ATP8B4: variants seen among roughly 807,000 people sequenced by gnomAD.
The protein encoded by ATP8B4 is probable phospholipid-transporting ATPase IM.
A neutral mutation model predicts 145.6 loss-of-function variants in ATP8B4; 133 were observed. That is an observed-to-expected ratio of 0.91 (90% CI 0.79 to 1.05). ATP8B4 has a LOEUF of 1.05. ATP8B4 is among the 50% of genes least tolerant of loss of function. The pLI is 0.00. For missense variants in ATP8B4, 1,458 were observed against 1,425.2 expected (o/e 1.02, Z -0.37); for synonymous variants, 507 against 492.9 (o/e 1.03, Z -0.38).
At chr15:49,969,650 AG>A (rs1372012973) in intron 13 of ATP8B4, among the ~76,000 whole-genome samples, 5 of 152,204 alleles carry the variant, frequency 3.3e-5, no homozygotes, top group African/African-American at 1.2e-4. Context: ...CAACAAAAAA[AG>A]CCCAAGACCA....
In ATP8B4 at chr15:49,859,920, T is replaced by A. The variant is rs186621678; in HGVS notation, c.*274A>T. ...AGATTCTAAAGTTCAGGTCAATTGGTATCTAGGTTGATTTAAAAAAAAAAA... is the reference window on the plus strand; with the variant it reads ...AGATTCTAAAGTTCAGGTCAATTGGAATCTAGGTTGATTTAAAAAAAAAAA... On this transcript the variant is annotated 3_prime_UTR_variant, in exon 28 of 28. Coordinates refer to ENST00000284509, the MANE Select transcript of ATP8B4 (RefSeq NM_024837.4). The A allele has an allele frequency of 4.5e-5, 18 of 398,120 alleles. No individual in the cohort carries two copies. The highest frequency in any genetic ancestry group is 1.1e-4 in the African/African-American group (5 of 47,330). 24.7% of individuals were successfully genotyped at this position (398,120 alleles called of 1,614,324 possible).
chr15:49,883,630 A>C (rs2153411974), intron 23 of ATP8B4: 1 of 152,326 alleles, frequency 6.6e-6, no homozygotes, highest in Admixed American at 6.5e-5. Context: ...ACATGGGAAA[A>C]CCGAGGCCTA....
intron 1 of ATP8B4, among the ~76,000 whole-genome samples, chr15:50,136,526 A>G (rs1244425085): frequency 6.6e-6 from 1 of 152,228 alleles, no homozygotes; most frequent in Non-Finnish European, 1.5e-5. Flanking sequence ...TTCCATGATC[A>G]AGATATTGTA....
intron 1 of ATP8B4, among the ~76,000 whole-genome samples, chr15:50,107,503 AT>A (rs902990569): frequency 6.6e-6 from 1 of 151,934 alleles, no homozygotes; most frequent in African/African-American, 2.4e-5. Flanking sequence ...CCAGGCAGTT[AT>A]TTTTTTTAAA....
At chr15:49,866,256 T>G in intron 26 of ATP8B4, 90 bp downstream of exon 26, 1 of 1,477,132 alleles carries the variant, frequency 6.8e-7, no homozygotes, top group Non-Finnish European at 9.1e-7. Context: ...TCACTAATCA[T>G]CCCCAGCTCT....
rs375556930 is a variant in ATP8B4 at position 50,029,133 on chromosome 15, C to T, written c.362+9635G>A. On this transcript the variant is annotated intron_variant, in intron 6 of 27. Coordinates refer to ENST00000284509, the MANE Select transcript of ATP8B4 (RefSeq NM_024837.4). ...CTGTAGTCCCAGCTACTCGGGAGGCCGAGGCAAGAGAATCGCTTGAATCCA... is the reference window on the plus strand; with the variant it reads ...CTGTAGTCCCAGCTACTCGGGAGGCTGAGGCAAGAGAATCGCTTGAATCCA... Among the ~76,000 whole-genome samples the T allele has an allele frequency of 4.7e-5, 7 of 147,596 alleles. No homozygotes were observed. In the East Asian group the frequency reaches 6.2e-4, roughly 13 times the overall value.
intron 1 of ATP8B4, among the ~76,000 whole-genome samples, chr15:50,151,053 G>A (rs904781947): frequency 2.0e-5 from 3 of 152,138 alleles, no homozygotes; most frequent in African/African-American, 7.2e-5. Flanking sequence ...AAATTGTTGT[G>A]TGACTCATTA....
At chr15:50,072,326 A>G (rs1429321629) in intron 3 of ATP8B4, among the ~76,000 whole-genome samples, 1 of 152,194 alleles carries the variant, frequency 6.6e-6, no homozygotes, top group Non-Finnish European at 1.5e-5. Flanking sequence ...TATAGGCCAC[A>G]TATCACCTAC....
intron 16 of ATP8B4, among the ~76,000 whole-genome samples, chr15:49,926,353 C>G (rs780366741): frequency 6.5e-4 from 99 of 152,252 alleles, no homozygotes; most frequent in Middle Eastern, 3.4e-3. Flanking sequence ...ACAGTTCTCC[C>G]TTCACCAACC....
intron 13 of ATP8B4, among the ~76,000 whole-genome samples, chr15:49,967,572 G>GA (rs1247024268): frequency 1.3e-5 from 2 of 152,098 alleles, no homozygotes; most frequent in African/African-American, 4.8e-5. Context: ...AAAGATTAGA[G>GA]AAAAAAGAAT....
intron 2 of ATP8B4, among the ~76,000 whole-genome samples, chr15:50,080,613 A>G: frequency 6.6e-6 from 1 of 152,062 alleles, no homozygotes; most frequent in Admixed American, 6.6e-5. Flanking sequence ...TTTTTTAATA[A>G]GTAGAGACAG....
intron 2 of ATP8B4, 86 bp downstream of exon 2, chr15:50,106,853 T>C: frequency 7.4e-7 from 1 of 1,359,014 alleles, no homozygotes; most frequent in South Asian, 1.3e-5. Context: ...TGTGTGCTTT[T>C]TATATATAAA....
At chr15:49,917,712 G>A (rs948679277) in intron 19 of ATP8B4, among the ~76,000 whole-genome samples, 1 of 152,078 alleles carries the variant, frequency 6.6e-6, no homozygotes, top group Non-Finnish European at 1.5e-5. Flanking sequence ...CTATCTAATA[G>A]AGTTATTTGA....
At chr15:49,892,400 T>C (rs181018824) in intron 23 of ATP8B4, among the ~76,000 whole-genome samples, 72 of 152,334 alleles carry the variant, frequency 4.7e-4, no homozygotes, top group African/African-American at 1.7e-3. Context: ...TAAACCCTTA[T>C]TTTGATATAT....
chr15:49,973,926 TTTC>T (rs1271264323), intron 12 of ATP8B4, among the ~76,000 whole-genome samples: 3 of 152,184 alleles, frequency 2.0e-5, no homozygotes, highest in Non-Finnish European at 2.9e-5. Context: ...GCCAGTGACA[TTTC>T]TTCTTGGAAC....
At chr15:50,009,265 ACTTTT>A (rs1207990642) in intron 7 of ATP8B4, 1 of 152,868 alleles carries the variant, frequency 6.5e-6, no homozygotes, top group South Asian at 2.0e-4. Context: ...ATTTATATCT[ACTTTT>A]CTTTTTTTTC....
intron 1 of ATP8B4, among the ~76,000 whole-genome samples, chr15:50,140,412 C>T (rs2044190646): frequency 6.6e-6 from 1 of 152,062 alleles, no homozygotes; most frequent in African/African-American, 2.4e-5. Context: ...AATGTGTAAG[C>T]CATAATTATA....
intron 6 of ATP8B4, among the ~76,000 whole-genome samples, chr15:50,016,994 G>C (rs141466580): frequency 6.6e-6 from 1 of 152,208 alleles, no homozygotes; most frequent in Non-Finnish European, 1.5e-5. Flanking sequence ...TGATTTTCCC[G>C]CCTCAACCTC....
At chr15:50,002,063 G>T in intron 8 of ATP8B4, 90 bp downstream of exon 8, 1 of 1,062,314 alleles carries the variant, frequency 9.4e-7, no homozygotes, top group South Asian at 1.5e-5. Context: ...CTCCCAAGAA[G>T]ATACTGAACA....
Sources: gnomAD v4.1 joint callset for allele counts (sites outside exome capture counted in the v4.1 genomes callset) on GRCh38, gnomAD v4.1.1 for gene constraint, MANE v1.5 for transcripts, NCBI Gene and HGNC (gene_info 2026-07-23, HGNC 2026-07-21) for gene names.